Variants in TMTC4 observed in about 807,000 individuals in gnomAD.
TMTC4 encodes the protein transmembrane O-mannosyltransferase targeting cadherins 4, also known as protein O-mannosyl-transferase TMTC4.
TMTC4 carries 65 observed loss-of-function variants against 86.0 expected under a neutral mutation model. The ratio of observed to expected loss-of-function variants is 0.76; its 90% CI spans 0.62 to 0.93. The LOEUF is 0.93. TMTC4 is among the 40% of genes least tolerant of loss of function. The pLI is 0.00. For synonymous variants in TMTC4, 379 were observed against 382.5 expected, an observed-to-expected ratio of 0.99 and a Z score of 0.11; for missense variants, 866 against 948.1, an observed-to-expected ratio of 0.91 and a Z score of 1.14.
chr13:100,659,329 G>A lies in TMTC4; in HGVS notation c.553-2861C>T, dbSNP rs950118414. Among the ~76,000 whole-genome samples the A allele has an allele frequency of 4.7e-4, 72 of 152,160 alleles. 2 individuals carry two copies. The highest frequency in any genetic ancestry group is 7.2e-5 in the African/African-American group (3 of 41,432). On this transcript the variant is annotated intron_variant, in intron 5 of 18. Coordinates refer to ENST00000342624, the MANE Select transcript of TMTC4 (RefSeq NM_032813.5). ...GTTTTCCAGGCTGGAGTGCACTGGC[G>A]TGATCATAGCTCACTGCAGCCTCAA...
At chr13:100,666,675 G>C (rs900565857) in intron 3 of TMTC4, among the ~76,000 whole-genome samples, 1 of 152,218 alleles carries the variant, frequency 6.6e-6, no homozygotes, top group African/African-American at 2.4e-5. Flanking sequence ...AGCTTTCTGA[G>C]AAAAGCAGTT....
intron 7 of TMTC4, among the ~76,000 whole-genome samples, chr13:100,640,954 T>A (rs61969120): frequency 6.6e-6 from 1 of 152,054 alleles, no homozygotes; most frequent in Non-Finnish European, 1.5e-5. Flanking sequence ...GAAAAATGGA[T>A]TTCAACACCT....
chr13:100,656,480 G>A lies in TMTC4; in HGVS notation c.553-12C>T, dbSNP rs1350621276. On this transcript the variant is annotated splice_polypyrimidine_tract_variant and intron_variant, in intron 5 of 18. Coordinates refer to ENST00000342624, the MANE Select transcript of TMTC4 (RefSeq NM_032813.5). Reference sequence around the variant, plus strand: ...ACAACACCAGCAACCTTAAAAAAGGGGGAAGAAAACAAAGAATTACATAAA... The same window carrying A: ...ACAACACCAGCAACCTTAAAAAAGGAGGAAGAAAACAAAGAATTACATAAA... 4.4e-6 allele frequency: 7 copies of A among 1,573,242 alleles called. No individual in the cohort carries two copies. The African/African-American group carries it at 5.5e-5, about 12-fold the overall frequency.
chr13:100,642,340 A>G, intron 6 of TMTC4, 29 bp from the exon 7 acceptor site: 1 of 1,611,390 alleles, frequency 6.2e-7, no homozygotes, highest in Non-Finnish European at 8.5e-7. Context: ...GATCAGTGCA[A>G]AAGTCATGGA....
At chr13:100,674,382 C>A in intron 1 of TMTC4, 1 of 966,844 alleles carries the variant, frequency 1.0e-6, no homozygotes. Flanking sequence ...GGACGCGCCG[C>A]AGGCGCCGGG....
chr13:100,637,703 CT>C lies in TMTC4; in HGVS notation c.835-2del, dbSNP rs770772369. On this transcript the variant is annotated splice_acceptor_variant, in intron 8 of 18. Coordinates refer to ENST00000342624, the MANE Select transcript of TMTC4 (RefSeq NM_032813.5). LOFTEE classifies it high-confidence loss of function. Reference sequence around the variant, plus strand: ...CCCCGTTCCTGAGCATGCCGAGATTCTGCAAGGACATCGCAAAGCCCCAGAG... The same window carrying C: ...CCCCGTTCCTGAGCATGCCGAGATTCGCAAGGACATCGCAAAGCCCCAGAG... 5.0e-6 allele frequency: 8 copies of C among 1,613,584 alleles called. No individual in the cohort carries two copies. The highest frequency in any genetic ancestry group is 8.5e-7 in the Non-Finnish European group (1 of 1,179,588).
At chr13:100,612,959 T>G (rs1877879513) in intron 16 of TMTC4, among the ~76,000 whole-genome samples, 2 of 152,186 alleles carry the variant, frequency 1.3e-5, no homozygotes, top group Admixed American at 1.3e-4. Flanking sequence ...ATTAACACCA[T>G]CATTAACATA....
At chr13:100,628,901 T>C (rs1379643349) in intron 12 of TMTC4, among the ~76,000 whole-genome samples, 3 of 152,138 alleles carry the variant, frequency 2.0e-5, no homozygotes, top group African/African-American at 7.2e-5. Context: ...GTAATCCTAG[T>C]ACTGCAGGAG....
chr13:100,614,272 T>C (rs758241316), intron 16 of TMTC4, 44 bp downstream of exon 16: 10 of 1,442,756 alleles, frequency 6.9e-6, no homozygotes, highest in Non-Finnish European at 8.7e-6. Context: ...GGCATTTTAC[T>C]GTGGAGCCAT....
At chr13:100,674,997 G>T, upstream of TMTC4, 1 of 985,566 alleles carries the variant, frequency 1.0e-6, no homozygotes, top group Non-Finnish European at 1.2e-6. Context: ...TCAGCTCATT[G>T]GCGGACGCGC....
At chr13:100,610,892 C>T (rs1326345001) in intron 17 of TMTC4, among the ~76,000 whole-genome samples, 2 of 152,178 alleles carry the variant, frequency 1.3e-5, no homozygotes, top group Admixed American at 6.5e-5. Context: ...AGAAGGGAAA[C>T]CTGTAAACCT....
At chr13:100,664,602 G>T (rs1289491841) in intron 3 of TMTC4, among the ~76,000 whole-genome samples, 1 of 152,152 alleles carries the variant, frequency 6.6e-6, no homozygotes, top group Non-Finnish European at 1.5e-5. Flanking sequence ...CAGGCCCATA[G>T]CTCTGGTGCT....
chr13:100,671,348 C>G (rs1887077356), intron 1 of TMTC4, among the ~76,000 whole-genome samples: 1 of 152,118 alleles, frequency 6.6e-6, no homozygotes, highest in Admixed American at 6.6e-5. Flanking sequence ...AAACGTTTGT[C>G]AAGGTTCAAA....
intron 1 of TMTC4, 130 bp downstream of exon 1, chr13:100,674,614 C>A: frequency 1.0e-6 from 1 of 982,890 alleles, no homozygotes. Flanking sequence ...CCTCCAGCAG[C>A]GCCGCTCTGG....
In TMTC4 at chr13:100,604,901, T is replaced by TAA; in HGVS notation, c.*91_*92dup. 2.1e-6 allele frequency: 3 copies of TAA among 1,413,304 alleles called. No homozygotes were observed. The South Asian group carries it at 5.0e-5, about 24-fold the overall frequency. 87.5% of individuals were successfully genotyped at this position (1,413,304 alleles called of 1,614,324 possible). On this transcript the variant is annotated 3_prime_UTR_variant, in exon 19 of 19. Coordinates refer to ENST00000342624, the MANE Select transcript of TMTC4 (RefSeq NM_032813.5). ...AAAAAAATCAGTAAAATAACATGTC[T>TAA]AAGACTTTTAAATGGTTAAATGTAA...
At chr13:100,650,510 G>A (rs891842977) in intron 6 of TMTC4, among the ~76,000 whole-genome samples, 3 of 152,182 alleles carry the variant, frequency 2.0e-5, no homozygotes, top group South Asian at 2.1e-4. Flanking sequence ...CATCTCCACC[G>A]CTCAAAACTG....
At chr13:100,609,747 ATTAAG>A (rs1877271689) in intron 17 of TMTC4, among the ~76,000 whole-genome samples, 1 of 152,086 alleles carries the variant, frequency 6.6e-6, no homozygotes, top group Non-Finnish European at 1.5e-5. Flanking sequence ...ATAGTTGCAA[ATTAAG>A]TTGTTGTGCA....
intron 1 of TMTC4, among the ~76,000 whole-genome samples, chr13:100,671,963 T>A (rs1002992033): frequency 1.3e-5 from 2 of 151,688 alleles, no homozygotes; most frequent in Non-Finnish European, 2.9e-5. Flanking sequence ...AAGGCTCTGG[T>A]GACGGACAAA....
At chr13:100,656,044 C>CAA (rs2138995083) in intron 6 of TMTC4, among the ~76,000 whole-genome samples, 1 of 152,314 alleles carries the variant, frequency 6.6e-6, no homozygotes, top group African/African-American at 2.4e-5. Flanking sequence ...CCTAGAACAT[C>CAA]AAAACAGGAC....
Sources: gnomAD v4.1 joint callset for allele counts (sites outside exome capture counted in the v4.1 genomes callset) on GRCh38, gnomAD v4.1.1 for gene constraint, MANE v1.5 for transcripts, NCBI Gene and HGNC (gene_info 2026-07-23, HGNC 2026-07-21) for gene names.